Variants in XPO4 observed in about 807,000 individuals in gnomAD.
XPO4 encodes exportin 4.
Under a neutral mutation model 143.0 loss-of-function variants are expected in XPO4, and 39 were observed. That is an observed-to-expected ratio of 0.27 (90% CI 0.21 to 0.36). The LOEUF (loss-of-function observed/expected upper bound fraction) is 0.36, where lower values mean the gene tolerates loss of function less well. Ranked by LOEUF, XPO4 falls within the 10% of genes least tolerant of loss-of-function variation. The pLI is 1.00. For synonymous variants in XPO4, 439 were observed against 474.0 expected (o/e 0.93, Z 0.96); for missense variants, 907 against 1,348.0 (o/e 0.67, Z 5.12).
Position 20,782,748 on chromosome 13 carries a change from C to T in XPO4, c.*974G>A, listed in dbSNP as rs1225733132. The stretch of plus-strand genomic sequence containing the variant: ...GGCAACAGGTTCATAGCAGCTAACA[C>T]CCTAAACCAACTCTGAAGCATCAAG... On this transcript the variant is annotated 3_prime_UTR_variant, in exon 23 of 23. Transcript: ENST00000255305. 1 of 152,608 alleles carries T rather than the reference C, an allele frequency of 6.6e-6. No individual in the cohort carries two copies. Among genetic ancestry groups the T allele is most frequent in the African/African-American group, 2.4e-5 (1 of 41,434 alleles). 9.5% of individuals were successfully genotyped at this position (152,608 alleles called of 1,614,324 possible).
At chr13:20,883,140 G>A (rs568501465) in intron 1 of XPO4, among the ~76,000 whole-genome samples, 1 of 152,246 alleles carries the variant, frequency 6.6e-6, no homozygotes, top group Admixed American at 6.5e-5. Context: ...CATCCTTTGC[G>A]GTTCCCTTAC....
intron 13 of XPO4, among the ~76,000 whole-genome samples, chr13:20,805,463 T>C: frequency 6.6e-6 from 1 of 152,202 alleles, no homozygotes. Context: ...TTGCTGTTCT[T>C]GAACATGCCA....
At chr13:20,877,418 G>A (rs1053559238) in intron 1 of XPO4, among the ~76,000 whole-genome samples, 2 of 152,192 alleles carry the variant, frequency 1.3e-5, no homozygotes, top group African/African-American at 4.8e-5. Context: ...TTTCAGGTGG[G>A]ATTCCCTAAA....
chr13:20,831,698 T>C (rs566454312), intron 6 of XPO4, among the ~76,000 whole-genome samples: 218 of 152,212 alleles, frequency 1.4e-3, no homozygotes, highest in African/African-American at 4.9e-3. Context: ...TTCAGTCTTT[T>C]GCTAACCCTT....
chr13:20,879,910 C>T (rs950019991), intron 1 of XPO4, among the ~76,000 whole-genome samples: 3 of 152,088 alleles, frequency 2.0e-5, no homozygotes, highest in Non-Finnish European at 2.9e-5. Context: ...ACAAAAAGGA[C>T]GTTAACAGAC....
intron 6 of XPO4, among the ~76,000 whole-genome samples, chr13:20,840,892 C>T (rs761972526): frequency 1.3e-5 from 2 of 152,186 alleles, no homozygotes; most frequent in Non-Finnish European, 2.9e-5. Context: ...CCAAGATATA[C>T]TTTCTTTAAA....
At chr13:20,820,921 G>C (rs970226729) in intron 9 of XPO4, among the ~76,000 whole-genome samples, 4 of 152,114 alleles carry the variant, frequency 2.6e-5, no homozygotes, top group African/African-American at 9.7e-5. Context: ...CTTTCAGAAA[G>C]ATTCACATTT....
intron 1 of XPO4, among the ~76,000 whole-genome samples, chr13:20,872,299 G>A (rs2060306473): frequency 6.6e-6 from 1 of 152,078 alleles, no homozygotes; most frequent in African/African-American, 2.4e-5. Context: ...CCTTTCCCCA[G>A]TTGTCCAAGC....
chr13:20,853,798 C>A (rs2060114064), intron 4 of XPO4, among the ~76,000 whole-genome samples: 1 of 152,138 alleles, frequency 6.6e-6, no homozygotes, highest in African/African-American at 2.4e-5. Context: ...TTCAGTTCTT[C>A]AGTCACCCTA....
intron 4 of XPO4, chr13:20,851,135 A>G: frequency 1.0e-6 from 1 of 985,386 alleles, no homozygotes. Flanking sequence ...TTCTTGAACC[A>G]CTTACAAATT....
chr13:20,879,823 TAGA>T (rs1175131072), intron 1 of XPO4, among the ~76,000 whole-genome samples: 3 of 152,140 alleles, frequency 2.0e-5, no homozygotes, highest in Non-Finnish European at 2.9e-5. Flanking sequence ...ACTTATCTGA[TAGA>T]AGATTAATAT....
At chr13:20,871,759 A>G (rs1017032600) in intron 1 of XPO4, among the ~76,000 whole-genome samples, 1 of 152,238 alleles carries the variant, frequency 6.6e-6, no homozygotes, top group African/African-American at 2.4e-5. Flanking sequence ...AAAATTGTCT[A>G]AAGTTAATCC....
In XPO4 at chr13:20,783,275, T is replaced by C. The variant is rs548960786; in HGVS notation, c.*447A>G. ...AGGTCTACAGTTGGGCCTAAGAATC[T>C]GCCTTTTCACCAGCTCCTCAAGTGA... On this transcript the variant is annotated 3_prime_UTR_variant, in exon 23 of 23. Transcript: ENST00000255305. 5.7e-6 allele frequency: 1 copy of C among 175,716 alleles called. No individual in the cohort carries two copies. The highest frequency in any genetic ancestry group is 2.4e-5 in the African/African-American group (1 of 41,818). The allele number at this position is 175,716 out of a possible 1,614,324, so 10.9% of individuals were successfully genotyped here. A position where few individuals can be genotyped will look rare whatever the true frequency, so the allele number is the denominator to read the frequency against.
chr13:20,872,792 C>G (rs1948528599), intron 1 of XPO4, among the ~76,000 whole-genome samples: 1 of 142,220 alleles, frequency 7.0e-6, no homozygotes, highest in African/African-American at 2.5e-5. Context: ...AGAAACTACA[C>G]TTACATAGCT....
chr13:20,823,584 C>A (rs1390263338), intron 7 of XPO4, among the ~76,000 whole-genome samples: 1 of 133,954 alleles, frequency 7.5e-6, no homozygotes, highest in East Asian at 3.0e-4. Flanking sequence ...TTTCTTTTTT[C>A]CATTTTTGTA....
intron 6 of XPO4, among the ~76,000 whole-genome samples, chr13:20,834,018 T>C (rs1489263190): frequency 6.6e-6 from 1 of 152,076 alleles, no homozygotes; most frequent in Non-Finnish European, 1.5e-5. Flanking sequence ...GTGAATTTTG[T>C]CTCCAGAGTC....
rs61954186 is a variant in XPO4 at position 20,835,825 on chromosome 13, G to A, written c.727+7070C>T. ...CCACTTCTGTCTCTACTATCACTGA[G>A]ACAGCAAGACCAACCCCTCCTCTTC... On this transcript the variant is annotated intron_variant, in intron 6 of 22. Coordinates refer to ENST00000255305, the MANE Select transcript of XPO4 (RefSeq NM_022459.5). 1.4e-3 allele frequency among the ~76,000 whole-genome samples: 219 copies of A among 152,058 alleles called. 1 individual carries two copies. The highest frequency in any genetic ancestry group is 2.4e-3 in the Non-Finnish European group (163 of 67,988).
chr13:20,835,894 C>T (rs2059910235), intron 6 of XPO4, among the ~76,000 whole-genome samples: 1 of 152,168 alleles, frequency 6.6e-6, no homozygotes, highest in African/African-American at 2.4e-5. Context: ...AAGATGAAGA[C>T]ATTTATGATT....
At chr13:20,891,600 C>G (rs1315845995) in intron 1 of XPO4, among the ~76,000 whole-genome samples, 2 of 151,990 alleles carry the variant, frequency 1.3e-5, no homozygotes, top group Non-Finnish European at 2.9e-5. Context: ...TGGTGGCTCA[C>G]GTCTGTAATC....
Sources: gnomAD v4.1 joint callset for allele counts (sites outside exome capture counted in the v4.1 genomes callset) on GRCh38, gnomAD v4.1.1 for gene constraint, MANE v1.5 for transcripts, NCBI Gene and HGNC (gene_info 2026-07-23, HGNC 2026-07-21) for gene names.